Variants in JDP2 observed in about 807,000 individuals in gnomAD.
JDP2 encodes Jun dimerization protein 2, also known as progesterone receptor co-activator.
In JDP2, 9 loss-of-function variants were observed where a neutral mutation model predicts 17.1. That is an observed-to-expected ratio of 0.53 (90% CI 0.32 to 0.92). JDP2 has a LOEUF of 0.92. Among genes scored for constraint, JDP2 ranks in the 40% least tolerant of loss-of-function variants. The probability of loss-of-function intolerance (pLI) is 0.04; values close to 1 mark genes in which losing one functional copy is unlikely to be tolerated. For synonymous variants in JDP2, 107 were observed against 95.6 expected (o/e 1.12, Z -0.69); for missense variants, 179 against 220.0 (o/e 0.81, Z 1.18).
At chr14:75,434,059 C>G (rs143937697) in intron 1 of JDP2, among the ~76,000 whole-genome samples, 1 of 152,298 alleles carries the variant, frequency 6.6e-6, no homozygotes, top group Non-Finnish European at 1.5e-5. Flanking sequence ...GATTTCACCT[C>G]TTGTCATCTT....
intron 2 of JDP2, among the ~76,000 whole-genome samples, chr14:75,439,514 G>A (rs1885236589): frequency 6.6e-6 from 1 of 152,220 alleles, no homozygotes; most frequent in Non-Finnish European, 1.5e-5. Flanking sequence ...GCACCTCCCT[G>A]TTATTCGTGA....
chr14:75,427,555 A>C (rs1157012958), upstream of JDP2: 10 of 152,674 alleles, frequency 6.5e-5, no homozygotes, highest in Non-Finnish European at 1.5e-4. This position sits in a 1 kb window ranked among gnomAD's most constrained non-coding sequence, Gnocchi z 4.4. Context: ...GCCGGGACTG[A>C]GGTACATGGT....
chr14:75,442,494 C>T (rs940078676), intron 2 of JDP2, among the ~76,000 whole-genome samples: 1 of 152,196 alleles, frequency 6.6e-6, no homozygotes, highest in African/African-American at 2.4e-5. Context: ...TCCCACAGAC[C>T]TTGCTTGTTT....
At chr14:75,452,025 C>T (rs1885890104) in intron 2 of JDP2, among the ~76,000 whole-genome samples, 1 of 152,208 alleles carries the variant, frequency 6.6e-6, no homozygotes, top group South Asian at 2.1e-4. Context: ...CTCAAGCAAT[C>T]CTCCAGCCTC....
Position 75,472,235 on chromosome 14 carries a change from C to T in JDP2, c.*2760C>T, listed in dbSNP as rs1325937264. ...TGACTGGGGGGTAGGTGCTAGCGTTCCAACATTACAGATGAGAAAACCGAG... is the reference window on the plus strand; with the variant it reads ...TGACTGGGGGGTAGGTGCTAGCGTTTCAACATTACAGATGAGAAAACCGAG... On this transcript the variant is annotated 3_prime_UTR_variant, in exon 4 of 4. Coordinates refer to ENST00000651602, the MANE Select transcript of JDP2 (RefSeq NM_001135048.2). 6.6e-6 allele frequency: 1 copy of T among 152,218 alleles called. No homozygotes were observed. The highest frequency in any genetic ancestry group is 1.5e-5 in the Non-Finnish European group (1 of 68,050). The allele number at this position is 152,218 out of a possible 1,614,324, so 9.4% of individuals were successfully genotyped here.
intron 1 of JDP2, among the ~76,000 whole-genome samples, 166 bp from the exon 2 acceptor site, chr14:75,437,732 T>C (rs1395610275): frequency 6.6e-6 from 1 of 152,250 alleles, no homozygotes; most frequent in East Asian, 1.9e-4. Flanking sequence ...GAGCAACTTT[T>C]CCTCTATAAC....
intron 1 of JDP2, among the ~76,000 whole-genome samples, chr14:75,433,563 T>C (rs1270683183): frequency 3.9e-3 from 588 of 150,756 alleles, no homozygotes; most frequent in Non-Finnish European, 7.1e-3. Flanking sequence ...TTTTTTTTTT[T>C]TCAAGTTCTT....
intron 2 of JDP2, among the ~76,000 whole-genome samples, chr14:75,448,575 G>A (rs946344064): frequency 2.6e-5 from 4 of 152,184 alleles, no homozygotes; most frequent in East Asian, 1.9e-4. Flanking sequence ...ATGGTTCCCC[G>A]AATCTGTGTA....
chr14:75,437,819 C>A (rs138557201), intron 1 of JDP2, 79 bp from the exon 2 acceptor site: 2 of 978,508 alleles, frequency 2.0e-6, no homozygotes, highest in South Asian at 1.7e-5. Flanking sequence ...AAGCCACAGT[C>A]CTGGCAAGAC....
rs1886823308 is a variant in JDP2 at position 75,471,958 on chromosome 14, T to A, written c.*2483T>A. On this transcript the variant is annotated 3_prime_UTR_variant, in exon 4 of 4. Coordinates refer to ENST00000651602, the MANE Select transcript of JDP2 (RefSeq NM_001135048.2). ...ACTGCCGTGTGCCACTGGCTGTGGC[T>A]TCCCTGGTCCTGTGCTTGGCCACCG... 1 of 152,238 alleles carries A rather than the reference T, an allele frequency of 6.6e-6. No homozygotes were observed. The highest frequency in any genetic ancestry group is 2.4e-5 in the African/African-American group (1 of 41,440). The allele number at this position is 152,238 out of a possible 1,614,324, so 9.4% of individuals were successfully genotyped here.
chr14:75,470,618 C>G lies in JDP2; in HGVS notation c.*1143C>G, dbSNP rs1298325951. Reference sequence around the variant, plus strand: ...AGAGACATTAAGCCACCTGCAGTTACTATTTTGAGAGCAGTCAGAGTGTTC... The same window carrying G: ...AGAGACATTAAGCCACCTGCAGTTAGTATTTTGAGAGCAGTCAGAGTGTTC... On this transcript the variant is annotated 3_prime_UTR_variant, in exon 4 of 4. Coordinates refer to ENST00000651602, the MANE Select transcript of JDP2 (RefSeq NM_001135048.2). 6.6e-6 allele frequency: 1 copy of G among 152,184 alleles called. No individual in the cohort carries two copies. The highest frequency in any genetic ancestry group is 1.5e-5 in the Non-Finnish European group (1 of 68,036). The allele number at this position is 152,184 out of a possible 1,614,324, so 9.4% of individuals were successfully genotyped here.
In JDP2 at chr14:75,439,745, A is replaced by G. The variant is rs578143804; in HGVS notation, c.201+1624A>G. On this transcript the variant is annotated intron_variant, in intron 2 of 3. Transcript: ENST00000651602. Reference sequence around the variant, plus strand: ...GTCGTTGGGGCACATCCCGGCTTATATAGTGTTCTGTCTTCACGATGGAGG... The same window carrying G: ...GTCGTTGGGGCACATCCCGGCTTATGTAGTGTTCTGTCTTCACGATGGAGG... Among the ~76,000 whole-genome samples the G allele has an allele frequency of 1.2e-4, 18 of 152,360 alleles. No homozygotes were observed. In the East Asian group the frequency reaches 3.3e-3, roughly 28 times the overall value.
At chr14:75,446,295 C>A (rs1885597588) in intron 2 of JDP2, among the ~76,000 whole-genome samples, 1 of 152,130 alleles carries the variant, frequency 6.6e-6, no homozygotes, top group Non-Finnish European at 1.5e-5. Context: ...CCATTTCACT[C>A]CTACATATAT....
chr14:75,455,780 C>G, intron 2 of JDP2, among the ~76,000 whole-genome samples: 1 of 152,162 alleles, frequency 6.6e-6, no homozygotes, highest in Non-Finnish European at 1.5e-5. Context: ...GTCCCGGGTT[C>G]CCTAAGCTCT....
At chr14:75,460,012 T>C (rs562826832) in intron 2 of JDP2, among the ~76,000 whole-genome samples, 1 of 152,362 alleles carries the variant, frequency 6.6e-6, no homozygotes, top group Admixed American at 6.5e-5. Context: ...TGTAAAATGG[T>C]ACAGTAATAG....
chr14:75,469,061 G>A (rs938582021), intron 3 of JDP2, among the ~76,000 whole-genome samples: 2 of 152,238 alleles, frequency 1.3e-5, no homozygotes, highest in African/African-American at 4.8e-5. Context: ...CGTGAGTCTG[G>A]CTGGCCCTAG....
chr14:75,461,906 G>A (rs1886364702), intron 3 of JDP2, among the ~76,000 whole-genome samples: 1 of 152,200 alleles, frequency 6.6e-6, no homozygotes, highest in African/African-American at 2.4e-5. Flanking sequence ...ATGAAGCTAG[G>A]TAGTAACATC....
At chr14:75,448,662 A>G (rs1333952224) in intron 2 of JDP2, among the ~76,000 whole-genome samples, 1 of 152,216 alleles carries the variant, frequency 6.6e-6, no homozygotes, top group Non-Finnish European at 1.5e-5. Flanking sequence ...GAGATGCTCA[A>G]CATTGCCACG....
chr14:75,455,026 G>A (rs956861783), intron 2 of JDP2, among the ~76,000 whole-genome samples: 3 of 152,168 alleles, frequency 2.0e-5, no homozygotes, highest in Non-Finnish European at 4.4e-5. Flanking sequence ...AGCAGGGATG[G>A]AGAATGTGGT....
Sources: allele counts gnomAD v4.1 joint callset (sites outside exome capture counted in the v4.1 genomes callset), GRCh38; gene constraint gnomAD v4.1.1; non-coding constraint Gnocchi (gnomAD v3.1); transcripts MANE v1.5; gene names NCBI Gene and HGNC (gene_info 2026-07-23, HGNC 2026-07-21).